CFAP47: variants seen among roughly 807,000 people sequenced by gnomAD.
CFAP47 encodes cilia and flagella associated protein 47.
CFAP47 carries 29 observed loss-of-function variants against 148.1 expected under a neutral mutation model. The ratio of observed to expected loss-of-function variants is 0.20; its 90% CI spans 0.15 to 0.27. The LOEUF is 0.27. Among genes scored for constraint, CFAP47 ranks in the 10% least tolerant of loss-of-function variants. The pLI is 1.00. For synonymous variants in CFAP47, 664 were observed against 577.3 expected, an observed-to-expected ratio of 1.15 and a Z score of -2.15; for missense variants, 1,872 against 1,697.5, an observed-to-expected ratio of 1.10 and a Z score of -1.81.
chrX:36,062,266 A>T (rs1937600430), intron 26 of CFAP47, among the ~76,000 whole-genome samples: 1 of 111,722 alleles, frequency 9.0e-6, no homozygotes, highest in African/African-American at 3.2e-5. Flanking sequence ...TGTGTTTGAC[A>T]TGCCATCACG....
intron 39 of CFAP47, among the ~76,000 whole-genome samples, chrX:36,166,276 T>A (rs772468618): frequency 8.5e-4 from 94 of 110,913 alleles, no homozygotes; most frequent in Non-Finnish European, 1.5e-3. Context: ...ATACGTCAGA[T>A]TCTATTTACT....
intron 53 of CFAP47, 55 bp from the exon 54 acceptor site, chrX:36,303,794 A>T: frequency 1.6e-6 from 1 of 613,195 alleles, no homozygotes; most frequent in Non-Finnish European, 2.4e-6. Context: ...TATGGAATTA[A>T]CACTAAATAA....
intron 50 of CFAP47, among the ~76,000 whole-genome samples, chrX:36,280,845 A>G (rs937616237): frequency 1.2e-4 from 14 of 112,073 alleles, no homozygotes; most frequent in Non-Finnish European, 2.6e-4. Context: ...TACTTCAGCT[A>G]GAAGGGTGCC....
At chrX:36,162,819 T>G (rs967642720) in intron 39 of CFAP47, among the ~76,000 whole-genome samples, 1 of 111,885 alleles carries the variant, frequency 8.9e-6, no homozygotes, top group Non-Finnish European at 1.9e-5. Context: ...GCTAGTACAG[T>G]ATTTTATTGA....
intron 46 of CFAP47, among the ~76,000 whole-genome samples, chrX:36,230,692 A>G (rs1940339824): frequency 9.1e-6 from 1 of 109,867 alleles, no homozygotes; most frequent in Non-Finnish European, 1.9e-5. Flanking sequence ...GCCCACGCCT[A>G]TGTCCTGAAT....
chrX:35,990,582 C>G (rs1291284716), intron 16 of CFAP47, among the ~76,000 whole-genome samples: 1 of 111,171 alleles, frequency 9.0e-6, no homozygotes. Context: ...AGAAACATGC[C>G]TGAATAATTT....
intron 33 of CFAP47, among the ~76,000 whole-genome samples, chrX:36,129,657 T>C (rs763984331): frequency 9.0e-6 from 1 of 111,379 alleles, no homozygotes; most frequent in Non-Finnish European, 1.9e-5. Context: ...AAATCTGAAA[T>C]TACTAGCAAA....
At chrX:36,172,618 T>C (rs1160160197) in intron 39 of CFAP47, among the ~76,000 whole-genome samples, 62 of 111,183 alleles carry the variant, frequency 5.6e-4, no homozygotes, top group African/African-American at 2.0e-3. Context: ...TTTGCATATG[T>C]TGAACCAGCC....
intron 2 of CFAP47, among the ~76,000 whole-genome samples, chrX:35,935,348 C>T: frequency 9.0e-6 from 1 of 111,594 alleles, no homozygotes; most frequent in Non-Finnish European, 1.9e-5. Flanking sequence ...TGTGACAGGG[C>T]AGCAGTGAGT....
intron 26 of CFAP47, among the ~76,000 whole-genome samples, chrX:36,048,022 T>C (rs948849028): frequency 1.8e-5 from 2 of 111,547 alleles, no homozygotes; most frequent in African/African-American, 6.5e-5. Flanking sequence ...GCAAATCCTT[T>C]TACTGGTGAC....
chrX:36,319,285 T>C lies in CFAP47; in HGVS notation c.8421T>C (p.Phe2807=). Residue 2807 remains phenylalanine (F), a synonymous_variant, in exon 57 of 64, where the codon TTT becomes TTC. Transcript: ENST00000378653. The stretch of plus-strand genomic sequence containing the variant: ...TCTATGAGAGTTCTGCCTTCAGATT[T>C]AGTTCTCCGAGTGAAATACAAGGTA... ...SFIYESSAFR[F]SSPSEIQGIA... The C allele has an allele frequency of 9.2e-7, 1 of 1,088,354 alleles. No homozygotes were observed. Among genetic ancestry groups the C allele is most frequent in the Non-Finnish European group, 1.2e-6 (1 of 812,272 alleles). 89.7% of individuals were successfully genotyped at this position (1,088,354 alleles called of 1,213,427 possible).
At chrX:36,375,099 G>T in intron 62 of CFAP47, 2 of 382,381 alleles carry the variant, frequency 5.2e-6, no homozygotes, top group South Asian at 2.9e-5. Flanking sequence ...TTTGGAGCAT[G>T]ACCTAATAAG....
At chrX:36,235,781 A>T (rs782382071) in intron 46 of CFAP47, among the ~76,000 whole-genome samples, 153 bp from the exon 47 acceptor site, 221 of 112,619 alleles carry the variant, frequency 2.0e-3, no homozygotes, top group African/African-American at 6.7e-3. Flanking sequence ...ATCGATATTT[A>T]TTCTTAACAA....
intron 51 of CFAP47, among the ~76,000 whole-genome samples, chrX:36,295,917 T>C (rs1349269442): frequency 8.9e-6 from 1 of 112,118 alleles, no homozygotes; most frequent in Non-Finnish European, 1.9e-5. Flanking sequence ...AATTAGAAAC[T>C]TAAAGCTTTT....
At chrX:36,077,085 C>A (rs958129457) in intron 29 of CFAP47, among the ~76,000 whole-genome samples, 7 of 104,428 alleles carry the variant, frequency 6.7e-5, no homozygotes, top group Non-Finnish European at 9.7e-5. Context: ...CTATTCTGTT[C>A]CGTTGGTCTT....
At chrX:35,937,325 G>C (rs1349764318) in intron 2 of CFAP47, among the ~76,000 whole-genome samples, 2 of 108,082 alleles carry the variant, frequency 1.9e-5, no homozygotes, top group African/African-American at 6.7e-5. Flanking sequence ...GGGGGCTCCT[G>C]TTTGATCCAG....
At chrX:36,110,192 C>T (rs1249141903) in intron 33 of CFAP47, among the ~76,000 whole-genome samples, 2 of 111,617 alleles carry the variant, frequency 1.8e-5, no homozygotes, top group Non-Finnish European at 3.8e-5. Context: ...TTTCTCATTT[C>T]TACATGAAGA....
At chrX:35,932,651 G>A (rs1408453162) in intron 2 of CFAP47, among the ~76,000 whole-genome samples, 4 of 105,055 alleles carry the variant, frequency 3.8e-5, no homozygotes, top group Admixed American at 2.1e-4. Flanking sequence ...TTTTTGAGAC[G>A]CAGTCTCACT....
chrX:36,002,153 A>G (rs1040019641), intron 21 of CFAP47, among the ~76,000 whole-genome samples: 6 of 111,096 alleles, frequency 5.4e-5, no homozygotes, highest in Non-Finnish European at 9.4e-5. Context: ...TGATTTAAAA[A>G]CAAGAGCAAA....
Sources: gnomAD v4.1 joint callset for allele counts (sites outside exome capture counted in the v4.1 genomes callset) on GRCh38, gnomAD v4.1.1 for gene constraint, MANE v1.5 for transcripts, NCBI Gene and HGNC (gene_info 2026-07-23, HGNC 2026-07-21) for gene names.